RNF216: variants seen among roughly 807,000 people sequenced by gnomAD.
RNF216 encodes the protein E3 ubiquitin-protein ligase RNF216.
RNF216 carries 72 observed loss-of-function variants against 110.8 expected under a neutral mutation model. That is an observed-to-expected ratio of 0.65 (90% confidence interval 0.54 to 0.79). RNF216 has a LOEUF of 0.79. Among genes scored for constraint, RNF216 ranks in the 30% least tolerant of loss-of-function variants. RNF216 has a pLI of 0.00. For missense variants in RNF216, 1,342 were observed against 1,141.2 expected (o/e 1.18, Z -2.54); for synonymous variants, 495 against 407.5 (o/e 1.21, Z -2.59).
rs752324749 is a variant in RNF216 at position 5,741,041 on chromosome 7, C to T, written c.976G>A (p.Glu326Lys). 3.1e-6 allele frequency: 5 copies of T among 1,614,014 alleles called. No individual in the cohort carries two copies. The highest frequency in any genetic ancestry group is 4.2e-6 in the Non-Finnish European group (5 of 1,179,982). The change falls in exon 4 of 17, where the codon GAA (glutamate) becomes AAA (lysine). Residue 326 changes from glutamate to lysine, a missense_variant. By Grantham distance (56) the Glu-to-Lys change is moderately conservative. Transcript: ENST00000389902. ...PMQESQEPNL[E>K]NIWGQEAAEV... Reference sequence around the variant, plus strand: ...GCAGCTTCTTGCCCCCAAATGTTTTCCAAATTGGGCTCTTGAGATTCTTGC... The same window carrying T: ...GCAGCTTCTTGCCCCCAAATGTTTTTCAAATTGGGCTCTTGAGATTCTTGC...
intron 1 of RNF216, among the ~76,000 whole-genome samples, chr7:5,762,314 G>A (rs984176899): frequency 1.3e-5 from 2 of 151,946 alleles, no homozygotes; most frequent in African/African-American, 4.8e-5. Flanking sequence ...CCTAAGGTGA[G>A]GAGTTTGAGA....
At chr7:5,711,948 C>A in intron 12 of RNF216, 109 bp from the exon 13 acceptor site, 1 of 889,760 alleles carries the variant, frequency 1.1e-6, no homozygotes, top group Non-Finnish European at 1.8e-6. Flanking sequence ...TGGACATTCA[C>A]ATCCCCTTTA....
At chr7:5,719,541 T>A (rs1035487122) in intron 9 of RNF216, among the ~76,000 whole-genome samples, 12 of 152,274 alleles carry the variant, frequency 7.9e-5, no homozygotes, top group African/African-American at 2.6e-4. Context: ...GGGCAGCCAA[T>A]AGTCAGAGAT....
intron 2 of RNF216, among the ~76,000 whole-genome samples, chr7:5,756,117 A>T (rs1232965000): frequency 1.3e-5 from 1 of 74,892 alleles, no homozygotes; most frequent in African/African-American, 3.5e-5. Flanking sequence ...CGTGATAGTG[A>T]GTGAGTCTTG....
At chr7:5,740,840 A>C in intron 4 of RNF216, 133 bp downstream of exon 4, 1 of 784,110 alleles carries the variant, frequency 1.3e-6, no homozygotes, top group Non-Finnish European at 1.9e-6. Context: ...TCTATTCTGT[A>C]CATCTAGATA....
intron 13 of RNF216, among the ~76,000 whole-genome samples, chr7:5,665,148 T>A (rs1201988700): frequency 6.6e-6 from 1 of 152,188 alleles, no homozygotes; most frequent in Non-Finnish European, 1.5e-5. Context: ...CTTGTAATGA[T>A]CTGATTATGT....
chr7:5,719,721 G>A (rs1793294508), intron 9 of RNF216, among the ~76,000 whole-genome samples: 1 of 152,100 alleles, frequency 6.6e-6, no homozygotes, highest in African/African-American at 2.4e-5. Context: ...CTAGAATTTT[G>A]GTCAAAAATA....
rs201100224 is a variant in RNF216 at position 5,734,608 on chromosome 7, C to CTTTTCTCACTGTAAGG, written c.1122-3792_1122-3791insCCTTACAGTGAGAAAA. 2.9e-5 allele frequency among the ~76,000 whole-genome samples: 4 copies of CTTTTCTCACTGTAAGG among 136,990 alleles called. 1 individual carries two copies. The highest frequency in any genetic ancestry group is 1.3e-4 in the African/African-American group (4 of 29,956). 89.9% of individuals were successfully genotyped at this position (136,990 alleles called of 152,430 possible). Reference sequence around the variant, plus strand: ...GGCATGTAAATAACCAAATGGCTTTCAAGGTTAAATACCCAGGTAGAGTCT... The same window carrying CTTTTCTCACTGTAAGG: ...GGCATGTAAATAACCAAATGGCTTTCTTTTCTCACTGTAAGGAAGGTTAAATACCCAGGTAGAGTCT... On this transcript the variant is annotated intron_variant, in intron 5 of 16. Coordinates refer to ENST00000389902, the MANE Select transcript of RNF216 (RefSeq NM_207111.4).
chr7:5,702,358 C>T (rs949155381), intron 13 of RNF216, among the ~76,000 whole-genome samples: 8 of 152,150 alleles, frequency 5.3e-5, no homozygotes, highest in Non-Finnish European at 1.2e-4. Context: ...GGGTAAAAAA[C>T]TATTTCCACA....
chr7:5,757,751 C>A (rs1459991591), intron 2 of RNF216, among the ~76,000 whole-genome samples: 1 of 152,156 alleles, frequency 6.6e-6, no homozygotes, highest in African/African-American at 2.4e-5. Context: ...TGCAAAGAGG[C>A]ACAAGGGAAT....
chr7:5,722,033 C>A (rs560065650), intron 8 of RNF216, among the ~76,000 whole-genome samples: 1 of 152,198 alleles, frequency 6.6e-6, no homozygotes, highest in Non-Finnish European at 1.5e-5. Flanking sequence ...GCAATCCTCC[C>A]GCCTCAGCCT....
intron 15 of RNF216, among the ~76,000 whole-genome samples, chr7:5,634,228 T>C (rs891216190): frequency 1.3e-5 from 2 of 152,168 alleles, no homozygotes. Context: ...GTGGCTTTTC[T>C]TCTTCATTGC....
chr7:5,698,926 G>A (rs919144648), intron 13 of RNF216, among the ~76,000 whole-genome samples: 1 of 152,106 alleles, frequency 6.6e-6, no homozygotes, highest in Non-Finnish European at 1.5e-5. Flanking sequence ...CAGGACATTC[G>A]AATAAGGGTC....
chr7:5,754,310 T>C (rs560787461), intron 2 of RNF216, among the ~76,000 whole-genome samples: 4 of 152,134 alleles, frequency 2.6e-5, no homozygotes, highest in African/African-American at 4.8e-5. Flanking sequence ...TGCACACTAC[T>C]TTGAACAGTT....
At chr7:5,728,152 G>A (rs1793871895) in intron 7 of RNF216, among the ~76,000 whole-genome samples, 1 of 151,994 alleles carries the variant, frequency 6.6e-6, no homozygotes. Context: ...CATCTTCCAC[G>A]ACCCCTTTCA....
At chr7:5,686,986 G>C in intron 13 of RNF216, among the ~76,000 whole-genome samples, 1 of 152,206 alleles carries the variant, frequency 6.6e-6, no homozygotes, top group African/African-American at 2.4e-5. Flanking sequence ...CCTGGGGATG[G>C]GGACTGGGGA....
At chr7:5,730,274 G>A (rs964329386) in intron 6 of RNF216, among the ~76,000 whole-genome samples, 3 of 152,192 alleles carry the variant, frequency 2.0e-5, no homozygotes, top group Admixed American at 2.0e-4. Flanking sequence ...GAGGACATAT[G>A]TATGATAAAG....
intron 13 of RNF216, among the ~76,000 whole-genome samples, chr7:5,700,730 A>G (rs1360819274): frequency 1.3e-5 from 2 of 152,154 alleles, no homozygotes; most frequent in Non-Finnish European, 2.9e-5. Flanking sequence ...GACCAAAAAT[A>G]ACAACAACAA....
Position 5,696,239 on chromosome 7 carries a change from G to C in RNF216, c.2061+15522C>G, listed in dbSNP as rs987109713. Reference sequence around the variant, plus strand: ...CAGGAGGCCCATGGAAAAAAAGCAGGGCTCTCAGCAGCTGGGAAAACATGT... The same window carrying C: ...CAGGAGGCCCATGGAAAAAAAGCAGCGCTCTCAGCAGCTGGGAAAACATGT... On this transcript the variant is annotated intron_variant, in intron 13 of 16. Transcript: ENST00000389902. The surrounding 1 kb of genome is among the most constrained non-coding windows in gnomAD (Gnocchi z 5.4). Among the ~76,000 whole-genome samples the C allele has an allele frequency of 2.0e-5, 3 of 152,134 alleles. No individual in the cohort carries two copies. Among genetic ancestry groups the C allele is most frequent in the Admixed American group, 6.5e-5 (1 of 15,274 alleles).
Sources: gnomAD v4.1 joint callset for allele counts (sites outside exome capture counted in the v4.1 genomes callset) on GRCh38, gnomAD v4.1.1 for gene constraint, Gnocchi (gnomAD v3.1) non-coding constraint, MANE v1.5 for transcripts, NCBI Gene and HGNC (gene_info 2026-07-23, HGNC 2026-07-21) for gene names.